Variants in ADGRG2 observed in about 807,000 individuals in gnomAD.
ADGRG2 encodes adhesion G protein-coupled receptor G2, also known as G protein-coupled receptor 64.
ADGRG2 carries 26 observed loss-of-function variants against 74.1 expected under a neutral mutation model. The ratio of observed to expected loss-of-function variants is 0.35; its 90% CI spans 0.26 to 0.49. The LOEUF (loss-of-function observed/expected upper bound fraction) is 0.49. Among genes scored for constraint, ADGRG2 ranks in the 20% least tolerant of loss-of-function variants. The probability of loss-of-function intolerance (pLI) is 0.99; values close to 1 mark genes in which losing one functional copy is unlikely to be tolerated. For synonymous variants in ADGRG2, 296 were observed against 295.2 expected, an observed-to-expected ratio of 1.00 and a Z score of -0.03; for missense variants, 619 against 763.1, an observed-to-expected ratio of 0.81 and a Z score of 2.22.
At chrX:19,064,765 T>C (rs1047520934) in intron 3 of ADGRG2, among the ~76,000 whole-genome samples, 1 of 112,333 alleles carries the variant, frequency 8.9e-6, no homozygotes, top group African/African-American at 3.2e-5. Flanking sequence ...TGGAGCCAGA[T>C]GGCCTGAATT....
intron 3 of ADGRG2, among the ~76,000 whole-genome samples, chrX:19,055,741 T>C (rs1476369947): frequency 9.4e-6 from 1 of 106,346 alleles, no homozygotes; most frequent in African/African-American, 3.4e-5. Flanking sequence ...TTTTTTTTTT[T>C]TTTTTTGAGA....
chrX:19,115,028 A>G (rs1003880625), intron 1 of ADGRG2, among the ~76,000 whole-genome samples: 2 of 111,976 alleles, frequency 1.8e-5, no homozygotes, highest in African/African-American at 6.5e-5. Flanking sequence ...CTGCTCAGTA[A>G]ATATTAGCTA....
chrX:19,092,764 G>T (rs1229397207), intron 1 of ADGRG2, among the ~76,000 whole-genome samples: 1 of 112,073 alleles, frequency 8.9e-6, no homozygotes, highest in Non-Finnish European at 1.9e-5. Flanking sequence ...CTGGCGAGAT[G>T]GAGGAGGACC....
At chrX:19,092,758 C>T (rs560032233) in intron 1 of ADGRG2, among the ~76,000 whole-genome samples, 5 of 111,904 alleles carry the variant, frequency 4.5e-5, no homozygotes, top group African/African-American at 6.5e-5. Context: ...AGTTGTCTGG[C>T]GAGATGGAGG....
chrX:19,023,784 T>C, intron 12 of ADGRG2, 125 bp downstream of exon 12: 1 of 511,386 alleles, frequency 2.0e-6, no homozygotes. Context: ...AACTAGTCCA[T>C]TCATTCTCTT....
intron 3 of ADGRG2, among the ~76,000 whole-genome samples, chrX:19,041,146 C>T (rs373905204): frequency 2.3e-3 from 260 of 111,771 alleles, no homozygotes; most frequent in Non-Finnish European, 4.1e-3. Context: ...TTCCACAACA[C>T]CATCTATGAT....
chrX:19,073,043 A>C (rs2061678441), intron 2 of ADGRG2, among the ~76,000 whole-genome samples: 1 of 112,310 alleles, frequency 8.9e-6, no homozygotes. Flanking sequence ...GTGTTGGATC[A>C]TGGAGGATCC....
At chrX:19,096,398 C>T (rs180872268) in intron 1 of ADGRG2, among the ~76,000 whole-genome samples, 5 of 92,120 alleles carry the variant, frequency 5.4e-5, no homozygotes, top group East Asian at 6.4e-4. Context: ...GGTGACAGAG[C>T]GAGACTCTAT....
intron 15 of ADGRG2, among the ~76,000 whole-genome samples, chrX:19,014,837 T>TG (rs2060434012): frequency 9.0e-6 from 1 of 111,566 alleles, no homozygotes; most frequent in African/African-American, 3.3e-5. Flanking sequence ...TTTGCTATGT[T>TG]GGCCAGGCTG....
chrX:18,999,304 C>A (rs1569357568), intron 25 of ADGRG2, 25 bp from the exon 26 acceptor site: 1 of 1,123,424 alleles, frequency 8.9e-7, no homozygotes, highest in Non-Finnish European at 1.2e-6. Context: ...GGGGGGGAAA[C>A]AGGGGAAAAC....
chrX:19,014,100 A>G, intron 15 of ADGRG2, 26 bp from the exon 16 acceptor site: 1 of 1,138,732 alleles, frequency 8.8e-7, no homozygotes, highest in Non-Finnish European at 1.2e-6. Flanking sequence ...AGAGAGATAC[A>G]TGTGAGACAC....
chrX:19,016,187 G>A (rs921785382), intron 15 of ADGRG2, among the ~76,000 whole-genome samples: 11 of 112,563 alleles, frequency 9.8e-5, no homozygotes, highest in African/African-American at 2.9e-4. Flanking sequence ...GGTGTAGCCT[G>A]CATAAAGTGT....
chrX:19,005,601 T>A (rs1284548933), intron 22 of ADGRG2, among the ~76,000 whole-genome samples: 1 of 105,789 alleles, frequency 9.5e-6, no homozygotes, highest in African/African-American at 3.5e-5. Context: ...TTGCCCAGAC[T>A]GGAGTACAAT....
chrX:19,006,152 A>C, intron 21 of ADGRG2, 47 bp from the exon 22 acceptor site: 1 of 1,101,632 alleles, frequency 9.1e-7, no homozygotes, highest in South Asian at 1.8e-5. Flanking sequence ...AGGCCACAGC[A>C]CCAGTGACTT....
At chrX:19,048,110 C>T (rs2061232920) in intron 3 of ADGRG2, among the ~76,000 whole-genome samples, 1 of 111,256 alleles carries the variant, frequency 9.0e-6, no homozygotes, top group South Asian at 3.8e-4. Context: ...CGCACAGTAT[C>T]GCCCACCCAT....
At chrX:19,095,510 G>A (rs2062081160) in intron 1 of ADGRG2, among the ~76,000 whole-genome samples, 1 of 111,721 alleles carries the variant, frequency 9.0e-6, no homozygotes. Context: ...GCTCCTACAC[G>A]TCCTTCTGCC....
At chrX:19,080,616 C>G (rs1357811665) in intron 2 of ADGRG2, among the ~76,000 whole-genome samples, 2 of 111,494 alleles carry the variant, frequency 1.8e-5, no homozygotes, top group Non-Finnish European at 1.9e-5. Flanking sequence ...TTAGTGTAGT[C>G]AAGAAGTGTT....
intron 2 of ADGRG2, among the ~76,000 whole-genome samples, chrX:19,071,624 G>T (rs1489429101): frequency 9.0e-6 from 1 of 111,153 alleles, no homozygotes; most frequent in East Asian, 2.8e-4. Context: ...TGAAAGGGAG[G>T]GAGTTATAAC....
rs1451812839 is a variant in ADGRG2 at position 19,024,203 on chromosome X, T to C, written c.471-255A>G. ...AGTTATAAATTATGATTGGACAATTTTGTTATTCATTAGGCTACTGCAGCC... is the reference window on the plus strand; with the variant it reads ...AGTTATAAATTATGATTGGACAATTCTGTTATTCATTAGGCTACTGCAGCC... On this transcript the variant is annotated intron_variant, in intron 11 of 28. Coordinates refer to ENST00000379869, the MANE Select transcript of ADGRG2 (RefSeq NM_001079858.3). Among the ~76,000 whole-genome samples, 4 of 111,698 alleles carry C rather than the reference T, an allele frequency of 3.6e-5. No individual in the cohort carries two copies. In the Admixed American group the frequency reaches 3.8e-4, roughly 11 times the overall value.
Sources: allele counts gnomAD v4.1 joint callset (sites outside exome capture counted in the v4.1 genomes callset), GRCh38; gene constraint gnomAD v4.1.1; transcripts MANE v1.5; gene names NCBI Gene and HGNC (gene_info 2026-07-23, HGNC 2026-07-21).